The following CKAP5 variants were observed in gnomAD, a reference collection of about 807,000 sequenced individuals.
CKAP5 encodes cytoskeleton associated protein 5, also known as cytoskeleton-associated protein 5.
A neutral mutation model predicts 232.8 loss-of-function variants in CKAP5; 27 were observed. That is an observed-to-expected ratio of 0.12 (90% CI 0.09 to 0.16). The LOEUF is 0.16. Among genes scored for constraint, CKAP5 ranks in the 10% least tolerant of loss-of-function variants. The probability of loss-of-function intolerance (pLI) is 1.00; values close to 1 mark genes in which losing one functional copy is unlikely to be tolerated. For missense variants in CKAP5, 1,838 were observed against 2,424.7 expected (o/e 0.76, Z 5.08); for synonymous variants, 785 against 841.1 (o/e 0.93, Z 1.16).
At chr11:46,780,114 T>A in intron 20 of CKAP5, 80 bp downstream of exon 20, 1 of 1,472,328 alleles carries the variant, frequency 6.8e-7, no homozygotes, top group Non-Finnish European at 9.4e-7. Context: ...ACTACAGGCG[T>A]GCACCACTAC....
At chr11:46,753,289 T>TGG in intron 37 of CKAP5, 21 bp downstream of exon 37, 2 of 1,568,678 alleles carry the variant, frequency 1.3e-6, no homozygotes, top group Non-Finnish European at 1.7e-6. Context: ...CAGGCTCTAT[T>TGG]GGCTGAGAGT....
intron 13 of CKAP5, 97 bp from the exon 14 acceptor site, chr11:46,790,680 T>C (rs1938699115): frequency 3.9e-6 from 3 of 771,918 alleles, no homozygotes; most frequent in Admixed American, 5.6e-5. Context: ...TCTCATATTG[T>C]TGTCGAGCCT....
intron 13 of CKAP5, among the ~76,000 whole-genome samples, chr11:46,794,917 G>T (rs1001412651): frequency 6.6e-6 from 1 of 152,144 alleles, no homozygotes; most frequent in Non-Finnish European, 1.5e-5. Flanking sequence ...AGAATGGGAG[G>T]ATAGTTAATT....
chr11:46,752,978 A>G (rs2065081414), intron 37 of CKAP5: 3 of 427,956 alleles, frequency 7.0e-6, no homozygotes, highest in Non-Finnish European at 1.2e-5. Flanking sequence ...CCTGAAATGT[A>G]CAAGAAAAAT....
intron 1 of CKAP5, among the ~76,000 whole-genome samples, chr11:46,838,725 T>C (rs1463316182): frequency 2.1e-5 from 2 of 96,534 alleles, no homozygotes; most frequent in Admixed American, 3.1e-4. Flanking sequence ...GCCCGGGAGG[T>C]GAAGGTTGCA....
chr11:46,783,369 C>G lies in CKAP5; in HGVS notation c.2155-1G>C. 6.3e-7 allele frequency: 1 copy of G among 1,588,116 alleles called. No homozygotes were observed. The highest frequency in any genetic ancestry group is 8.6e-7 in the Non-Finnish European group (1 of 1,159,070). On this transcript the variant is annotated splice_acceptor_variant, in intron 17 of 43. Transcript: ENST00000529230. LOFTEE classifies it high-confidence loss of function. The stretch of plus-strand genomic sequence containing the variant: ...TTTGTGAGAAAGCCATTGACACAAC[C>G]TGAAAAGGGAAAAACAGCAGATCTG...
At chr11:46,760,160 A>C (rs2065142702) in intron 33 of CKAP5, among the ~76,000 whole-genome samples, 1 of 152,248 alleles carries the variant, frequency 6.6e-6, no homozygotes, top group African/African-American at 2.4e-5. Context: ...AACACAAAGA[A>C]GAAAGTGAAT....
At chr11:46,808,520 G>A (rs553472026) in intron 7 of CKAP5, among the ~76,000 whole-genome samples, 1 of 152,268 alleles carries the variant, frequency 6.6e-6, no homozygotes, top group East Asian at 1.9e-4. Flanking sequence ...TAGCCTGGGC[G>A]ACAGAGCGAG....
chr11:46,805,801 T>C (rs1939140716), intron 8 of CKAP5, among the ~76,000 whole-genome samples: 1 of 152,128 alleles, frequency 6.6e-6, no homozygotes, highest in Non-Finnish European at 1.5e-5. Context: ...CTGGGTGTGA[T>C]GGCAAGTGCC....
chr11:46,776,148 T>G, intron 24 of CKAP5, 107 bp downstream of exon 24: 1 of 928,284 alleles, frequency 1.1e-6, no homozygotes, highest in Non-Finnish European at 1.5e-6. Flanking sequence ...TTAACTGTTT[T>G]ATAATGAAAC....
At chr11:46,784,138 G>A (rs1215358731) in intron 17 of CKAP5, among the ~76,000 whole-genome samples, 1 of 152,008 alleles carries the variant, frequency 6.6e-6, no homozygotes, top group Non-Finnish European at 1.5e-5. Flanking sequence ...GGAGGCCGAG[G>A]CAGGCAGATC....
intron 24 of CKAP5, among the ~76,000 whole-genome samples, chr11:46,772,866 C>T (rs1282251126): frequency 6.6e-6 from 1 of 151,726 alleles, no homozygotes; most frequent in Non-Finnish European, 1.5e-5. Flanking sequence ...CACAGCCTCT[C>T]GAGTAGCTGG....
chr11:46,808,972 G>A (rs148874978), intron 7 of CKAP5, among the ~76,000 whole-genome samples: 165 of 152,314 alleles, frequency 1.1e-3, no homozygotes, highest in South Asian at 3.5e-3. Flanking sequence ...GACTTAGGGA[G>A]ATGGTATTAC....
chr11:46,829,293 C>T (rs1484503566), intron 1 of CKAP5, among the ~76,000 whole-genome samples: 3 of 152,122 alleles, frequency 2.0e-5, no homozygotes, highest in Non-Finnish European at 4.4e-5. Flanking sequence ...GATCCACTTC[C>T]ATTTAATGAA....
chr11:46,787,375 T>C (rs1215175419), intron 16 of CKAP5, among the ~76,000 whole-genome samples: 1 of 152,202 alleles, frequency 6.6e-6, no homozygotes, highest in African/African-American at 2.4e-5. Flanking sequence ...ATAAACCTGA[T>C]ACATTTCAAG....
chr11:46,757,283 G>A (rs991439941), intron 35 of CKAP5, among the ~76,000 whole-genome samples: 4 of 150,740 alleles, frequency 2.7e-5, no homozygotes, highest in African/African-American at 7.3e-5. Context: ...ACCTGAGGTT[G>A]GGAGTTCAAG....
At chr11:46,796,571 G>A (rs1007635095) in intron 12 of CKAP5, among the ~76,000 whole-genome samples, 3 of 152,146 alleles carry the variant, frequency 2.0e-5, no homozygotes, top group East Asian at 1.9e-4. Context: ...ATTTCCTGAG[G>A]TGATATCAGC....
rs750829633 is a variant in CKAP5, at chr11:46,795,707, CCTT to C, written c.1534_1536del (p.Lys512del). The C allele has an allele frequency of 6.2e-7, 1 of 1,614,098 alleles. No individual in the cohort carries two copies. The highest frequency in any genetic ancestry group is 1.3e-5 in the African/African-American group (1 of 75,056). ...GTCCTTCCAGGCAGAGGTTTGAATT[CCTT>C]CTTATCAGCAGCTAGTCCAGCTTTC... On this transcript the variant is annotated inframe_deletion, in exon 13 of 44. Transcript: ENST00000529230.
chr11:46,826,172 GCTGT>G (rs1164517485), intron 1 of CKAP5, among the ~76,000 whole-genome samples: 2 of 152,190 alleles, frequency 1.3e-5, no homozygotes, highest in Non-Finnish European at 2.9e-5. Context: ...GGGGTAAAGA[GCTGT>G]CTCTTTCACA....
Sources: gnomAD v4.1 joint callset for allele counts (sites outside exome capture counted in the v4.1 genomes callset) on GRCh38, gnomAD v4.1.1 for gene constraint, MANE v1.5 for transcripts, NCBI Gene and HGNC (gene_info 2026-07-23, HGNC 2026-07-21) for gene names.